CNTNAP2: variants seen among roughly 807,000 people sequenced by gnomAD.
The protein encoded by CNTNAP2 is contactin-associated protein-like 2.
CNTNAP2 carries 98 observed loss-of-function variants against 155.2 expected under a neutral mutation model. The observed-to-expected ratio is 0.63, with a 90% CI of 0.54 to 0.75. The LOEUF is 0.75. Ranked by LOEUF, CNTNAP2 falls within the 30% of genes least tolerant of loss-of-function variation. The pLI, the probability that CNTNAP2 is intolerant of heterozygous loss-of-function variation, is 0.00. For synonymous variants in CNTNAP2, 651 were observed against 631.2 expected, an observed-to-expected ratio of 1.03 and a Z score of -0.47; for missense variants, 1,727 against 1,688.1, an observed-to-expected ratio of 1.02 and a Z score of -0.40.
intron 1 of CNTNAP2, among the ~76,000 whole-genome samples, chr7:146,301,636 A>T (rs1800612556): frequency 6.6e-6 from 1 of 151,530 alleles, no homozygotes; most frequent in Non-Finnish European, 1.5e-5. Context: ...AACAATAACA[A>T]CAACAACAAC....
chr7:146,954,619 C>T (rs1797394947), intron 3 of CNTNAP2, among the ~76,000 whole-genome samples: 1 of 151,620 alleles, frequency 6.6e-6, no homozygotes, highest in African/African-American at 2.4e-5. Flanking sequence ...CTATTCTGTG[C>T]TTTTTCACAT....
intron 12 of CNTNAP2, among the ~76,000 whole-genome samples, chr7:147,613,455 C>CA (rs1278833970): frequency 1.3e-5 from 2 of 152,142 alleles, no homozygotes; most frequent in African/African-American, 4.8e-5. Flanking sequence ...TTCTTTATGG[C>CA]ATGTCGATGA....
At chr7:146,211,274 G>C (rs1799030876) in intron 1 of CNTNAP2, among the ~76,000 whole-genome samples, 1 of 152,106 alleles carries the variant, frequency 6.6e-6, no homozygotes, top group South Asian at 2.1e-4. Flanking sequence ...TTTTAAGTTA[G>C]GATGATGATA....
intron 3 of CNTNAP2, among the ~76,000 whole-genome samples, chr7:146,901,133 T>TA (rs973748514): frequency 1.3e-5 from 2 of 151,924 alleles, no homozygotes; most frequent in Non-Finnish European, 1.5e-5. Context: ...AAACTTAGGC[T>TA]AAAAAACAGA....
chr7:147,207,264 G>GA (rs1178503955), intron 8 of CNTNAP2, among the ~76,000 whole-genome samples: 4 of 152,066 alleles, frequency 2.6e-5, no homozygotes, highest in Non-Finnish European at 5.9e-5. Flanking sequence ...TGCAAGAATG[G>GA]AAAAAATAAG....
chr7:146,774,210 C>T, intron 1 of CNTNAP2, 61 bp from the exon 2 acceptor site: 1 of 1,180,438 alleles, frequency 8.5e-7, no homozygotes, highest in South Asian at 1.3e-5. Flanking sequence ...CCAACACATA[C>T]CAATCGTTAT....
chr7:147,301,603 T>G (rs1794947647), intron 9 of CNTNAP2, among the ~76,000 whole-genome samples: 2 of 58,586 alleles, frequency 3.4e-5, no homozygotes, highest in Non-Finnish European at 7.4e-5. Context: ...TGTGTGTGTG[T>G]GTGTGTGTGT....
At chr7:148,197,946 T>C (rs1013365216) in intron 18 of CNTNAP2, among the ~76,000 whole-genome samples, 2 of 152,246 alleles carry the variant, frequency 1.3e-5, no homozygotes, top group African/African-American at 4.8e-5. Flanking sequence ...GTGGTCATCC[T>C]TTGAGTTTCC....
At chr7:147,395,517 T>C (rs1418442986) in intron 9 of CNTNAP2, 92 bp from the exon 10 acceptor site, 1 of 1,233,608 alleles carries the variant, frequency 8.1e-7, no homozygotes, top group Non-Finnish European at 1.2e-6. Context: ...TAGTTGGATG[T>C]GATGGCTGTG....
At position 147,429,644 on chromosome 7, in the gene CNTNAP2, T is replaced by C. The variant is rs566545269; in HGVS notation, c.1670+33864T>C. ...TTGGTCATGATCTTTTTGCCTAAGC[T>C]ATGTCTAGAAGAGTTTTTTCTGATG... On this transcript the variant is annotated intron_variant, in intron 10 of 23. Transcript: ENST00000361727. Among the ~76,000 whole-genome samples the C allele has an allele frequency of 3.9e-5, 6 of 152,296 alleles. No individual in the cohort carries two copies. In the South Asian group the frequency reaches 1.2e-3, roughly 32 times the overall value.
At chr7:146,301,964 C>A (rs537572924) in intron 1 of CNTNAP2, among the ~76,000 whole-genome samples, 1 of 152,040 alleles carries the variant, frequency 6.6e-6, no homozygotes, top group African/African-American at 2.4e-5. Flanking sequence ...CAAGCTACCT[C>A]GTAGGACTTG....
chr7:147,869,347 A>G (rs926439953), intron 13 of CNTNAP2, among the ~76,000 whole-genome samples: 2 of 152,220 alleles, frequency 1.3e-5, no homozygotes, highest in African/African-American at 4.8e-5. Context: ...TTTGATCATG[A>G]GATATTGCTT....
At chr7:146,297,666 A>C (rs921038521) in intron 1 of CNTNAP2, among the ~76,000 whole-genome samples, 5 of 152,154 alleles carry the variant, frequency 3.3e-5, no homozygotes, top group African/African-American at 1.2e-4. Flanking sequence ...GAGAGTTATA[A>C]ATTTATATGT....
At chr7:146,558,343 A>C (rs1584980848) in intron 1 of CNTNAP2, among the ~76,000 whole-genome samples, 1 of 152,310 alleles carries the variant, frequency 6.6e-6, no homozygotes, top group East Asian at 1.9e-4. Context: ...ATGATAATGA[A>C]AATTTTGAAG....
intron 15 of CNTNAP2, among the ~76,000 whole-genome samples, chr7:147,995,863 C>T (rs2116887246): frequency 6.6e-6 from 1 of 152,334 alleles, no homozygotes; most frequent in Admixed American, 6.5e-5. Context: ...GTGCTCTTTT[C>T]CCTTGAGCTG....
intron 13 of CNTNAP2, among the ~76,000 whole-genome samples, chr7:147,826,547 T>C (rs1219787525): frequency 6.6e-6 from 1 of 152,196 alleles, no homozygotes; most frequent in African/African-American, 2.4e-5. Context: ...GCTATATATA[T>C]GATCCATAGA....
At chr7:146,564,529 A>G (rs915990506) in intron 1 of CNTNAP2, among the ~76,000 whole-genome samples, 3 of 148,890 alleles carry the variant, frequency 2.0e-5, no homozygotes, top group African/African-American at 2.4e-5. Flanking sequence ...TAACAAATAT[A>G]CATTATATAA....
intron 1 of CNTNAP2, among the ~76,000 whole-genome samples, chr7:146,609,433 A>G (rs1799099612): frequency 1.3e-5 from 2 of 152,334 alleles, no homozygotes; most frequent in South Asian, 4.1e-4. Flanking sequence ...TGTCACCCCA[A>G]TACTGCACTG....
intron 21 of CNTNAP2, among the ~76,000 whole-genome samples, chr7:148,347,205 T>A (rs1798343808): frequency 6.6e-6 from 1 of 150,870 alleles, no homozygotes; most frequent in Non-Finnish European, 1.5e-5. Context: ...TACAGTGAGC[T>A]GAGATTGCAC....
Sources: gnomAD v4.1 joint callset for allele counts (sites outside exome capture counted in the v4.1 genomes callset) on GRCh38, gnomAD v4.1.1 for gene constraint, MANE v1.5 for transcripts, NCBI Gene and HGNC (gene_info 2026-07-23, HGNC 2026-07-21) for gene names.